Variants in ADGRV1 observed in about 807,000 individuals in gnomAD.
ADGRV1 encodes G-protein coupled receptor 98.
A neutral mutation model predicts 596.2 loss-of-function variants in ADGRV1; 359 were observed. That is an observed-to-expected ratio of 0.60 (90% CI 0.55 to 0.66). ADGRV1 has a LOEUF of 0.66. ADGRV1 is among the 30% of genes least tolerant of loss of function. The pLI is 0.00. For synonymous variants in ADGRV1, 2,681 were observed against 2,679.2 expected (o/e 1.00, Z -0.02); for missense variants, 7,274 against 7,575.6 (o/e 0.96, Z 1.48).
At chr5:90,975,936 ACT>A (rs1779535079) in intron 84 of ADGRV1, among the ~76,000 whole-genome samples, 2 of 151,778 alleles carry the variant, frequency 1.3e-5, no homozygotes, top group African/African-American at 4.8e-5. Flanking sequence ...CAGTATCTTT[ACT>A]CTGTTTTGCT....
At chr5:91,075,003 A>T (rs1384326671) in intron 86 of ADGRV1, among the ~76,000 whole-genome samples, 3 of 151,984 alleles carry the variant, frequency 2.0e-5, no homozygotes, top group Non-Finnish European at 4.4e-5. Context: ...GTATCTGTTC[A>T]TGTATTTTGC....
chr5:90,845,573 A>AT (rs1765800891), intron 78 of ADGRV1, among the ~76,000 whole-genome samples: 2 of 150,878 alleles, frequency 1.3e-5, no homozygotes, highest in South Asian at 4.2e-4. Context: ...TCTGTTGGTA[A>AT]TTTTTTTCCT....
intron 59 of ADGRV1, among the ~76,000 whole-genome samples, chr5:90,769,964 A>T (rs1757519576): frequency 6.6e-6 from 1 of 152,174 alleles, no homozygotes; most frequent in Admixed American, 6.5e-5. Context: ...TAAAGCTCTG[A>T]GGTAGGTGGC....
Position 91,163,794 on chromosome 5 carries a change from G to A in ADGRV1, c.18815G>A (p.Ser6272Asn). ...IFALKTGAGLSVSDNESGQGS... is the reference protein window; with the variant it reads ...IFALKTGAGLNVSDNESGQGS... ...ATTTCTGTGGCAGGTGCTGGTCTCA[G>A]TGTCAGTGATAATGAATCTGGTCAA... The change falls in exon 90 of 90, where the codon AGT becomes AAT. Residue 6272 changes from serine (S) to asparagine (N), a missense_variant. Ser to Asn is a conservative substitution (Grantham distance 46, BLOSUM62 1). Around this residue, in one of 5 missense-constraint regions of ADGRV1, gnomAD observed 1,874 missense variants for 1,970.2 expected, o/e 0.95. Coordinates refer to ENST00000405460, the MANE Select transcript of ADGRV1 (RefSeq NM_032119.4). 1 of 1,533,476 alleles carries A rather than the reference G, an allele frequency of 6.5e-7. No individual in the cohort carries two copies. The highest frequency in any genetic ancestry group is 2.3e-5 in the East Asian group (1 of 43,724). 95.0% of individuals were successfully genotyped at this position (1,533,476 alleles called of 1,614,324 possible). A position where few individuals can be genotyped will look rare whatever the true frequency, so the allele number is the denominator to read the frequency against.
At position 90,728,734 on chromosome 5, in the gene ADGRV1, C is replaced by CGTG. The variant is rs397517418; in HGVS notation, c.10229_10231dup (p.Val3410dup). The stretch of plus-strand genomic sequence containing the variant: ...AACTCCCTGTCCGAGGTGTGCTGAC[C>CGTG]GTGGCCTTGTTCAACAAGGGAGGCT... On this transcript the variant is annotated inframe_insertion, in exon 49 of 90. Transcript: ENST00000405460. 1 of 1,613,812 alleles carries CGTG rather than the reference C, an allele frequency of 6.2e-7. No individual in the cohort carries two copies.
chr5:90,561,998 A>G (rs1446043734), intron 1 of ADGRV1, among the ~76,000 whole-genome samples: 1 of 152,196 alleles, frequency 6.6e-6, no homozygotes, highest in African/African-American at 2.4e-5. Context: ...AAATTCAGAC[A>G]GTAAAGAAAT....
At position 90,917,370 on chromosome 5, in the gene ADGRV1, ATTTAAGTGACTT is replaced by A. The variant is rs1197212665; in HGVS notation, c.17857-48037_17857-48026del. Among the ~76,000 whole-genome samples the A allele has an allele frequency of 2.0e-5, 3 of 150,690 alleles. 1 individual carries two copies. Among genetic ancestry groups the A allele is most frequent in the African/African-American group, 2.5e-5 (1 of 40,002 alleles). On this transcript the variant is annotated intron_variant, in intron 83 of 89. Transcript: ENST00000405460. ...AACTAGATCCAAGTAGGTTATTCTA[ATTTAAGTGACTT>A]TTTAAGTCATTACCAATAAAAACTT...
At chr5:91,152,697 C>T (rs1796161405) in intron 88 of ADGRV1, among the ~76,000 whole-genome samples, 1 of 152,060 alleles carries the variant, frequency 6.6e-6, no homozygotes, top group Admixed American at 6.5e-5. Context: ...GACAGGATGT[C>T]TCTCTGTCAC....
In ADGRV1 at chr5:91,125,502, C is replaced by G. The variant is rs544667956; in HGVS notation, c.18432+23162C>G. Among the ~76,000 whole-genome samples the G allele has an allele frequency of 4.6e-5, 7 of 152,084 alleles. No individual in the cohort carries two copies. The South Asian group carries it at 1.0e-3, about 22-fold the overall frequency. On this transcript the variant is annotated intron_variant, in intron 87 of 89. Transcript: ENST00000405460. ...CCCTAAGGTCCATAGAGAATCCAGGCGACACTAGTCTTGGGCAAATCACAG... is the reference window on the plus strand; with the variant it reads ...CCCTAAGGTCCATAGAGAATCCAGGGGACACTAGTCTTGGGCAAATCACAG...
In ADGRV1 at chr5:90,823,585, A is replaced by C; in HGVS notation, c.16357A>C (p.Lys5453Gln). The change falls in exon 76 of 90, where the codon AAA becomes CAA. Residue 5453 changes from lysine (K) to glutamine (Q), a missense_variant. Around this residue, in one of 5 missense-constraint regions of ADGRV1, gnomAD observed 1,874 missense variants for 1,970.2 expected, o/e 0.95. Transcript: ENST00000405460. ...QTKCFISIEL[K>Q]PEKVPQVEVY... ...AAAATGCTTTATCAGCATTGAACTCAAACCAGAAAAGGTAAGAAATGAAGA... is the reference window on the plus strand; with the variant it reads ...AAAATGCTTTATCAGCATTGAACTCCAACCAGAAAAGGTAAGAAATGAAGA... 6.2e-7 allele frequency: 1 copy of C among 1,613,638 alleles called. No individual in the cohort carries two copies. The highest frequency in any genetic ancestry group is 1.3e-5 in the African/African-American group (1 of 75,058).
At chr5:90,783,072 T>C (rs1211426797) in intron 65 of ADGRV1, 52 bp from the exon 66 acceptor site, 6 of 1,455,146 alleles carry the variant, frequency 4.1e-6, no homozygotes, top group Non-Finnish European at 5.8e-6. Context: ...CTGAATCTTA[T>C]AAGTTAGTTG....
intron 70 of ADGRV1, among the ~76,000 whole-genome samples, chr5:90,798,070 A>T (rs1252982002): frequency 1.3e-5 from 2 of 152,220 alleles, no homozygotes; most frequent in Non-Finnish European, 2.9e-5. Flanking sequence ...GAAATAGCTA[A>T]GATCAGAGCA....
chr5:91,137,347 A>T (rs914302632), intron 87 of ADGRV1, among the ~76,000 whole-genome samples: 1 of 152,150 alleles, frequency 6.6e-6, no homozygotes, highest in Non-Finnish European at 1.5e-5. Context: ...TTCTGTTGGG[A>T]AAGTAATTCG....
chr5:90,776,433 C>G lies in ADGRV1; in HGVS notation c.12404-20C>G. ...TTATGTGCACCTGCTACAAAGTGGTCTATATCATCTTGAATTTAGGTAGTG... is the reference window on the plus strand; with the variant it reads ...TTATGTGCACCTGCTACAAAGTGGTGTATATCATCTTGAATTTAGGTAGTG... On this transcript the variant is annotated intron_variant, in intron 60 of 89. Transcript: ENST00000405460. The G allele has an allele frequency of 6.3e-7, 1 of 1,599,276 alleles. No homozygotes were observed. Among genetic ancestry groups the G allele is most frequent in the East Asian group, 2.2e-5 (1 of 44,484 alleles).
Position 90,642,619 on chromosome 5 carries a change from C to A in ADGRV1, c.2241-17C>A. Reference sequence around the variant, plus strand: ...ACTGGAAGTAGCGGGTGCCATTTGTCTCTCTGACTTCTCTAGGGTTAACGT... The same window carrying A: ...ACTGGAAGTAGCGGGTGCCATTTGTATCTCTGACTTCTCTAGGGTTAACGT... On this transcript the variant is annotated splice_polypyrimidine_tract_variant and intron_variant, in intron 11 of 89. Coordinates refer to ENST00000405460, the MANE Select transcript of ADGRV1 (RefSeq NM_032119.4). The A allele has an allele frequency of 6.2e-7, 1 of 1,606,546 alleles. No individual in the cohort carries two copies. Among genetic ancestry groups the A allele is most frequent in the Non-Finnish European group, 8.5e-7 (1 of 1,177,610 alleles).
At chr5:91,026,179 G>A (rs1046095351) in intron 85 of ADGRV1, among the ~76,000 whole-genome samples, 1 of 152,086 alleles carries the variant, frequency 6.6e-6, no homozygotes, top group Admixed American at 6.6e-5. Context: ...TTAGGCCATG[G>A]TTCTGTTAAG....
At chr5:90,711,864 C>T (rs1429601818) in intron 41 of ADGRV1, among the ~76,000 whole-genome samples, 1 of 152,180 alleles carries the variant, frequency 6.6e-6, no homozygotes, top group Non-Finnish European at 1.5e-5. Flanking sequence ...GCAACCTCCA[C>T]CTCCCAGGTT....
chr5:91,163,785 C>T lies in ADGRV1; in HGVS notation c.18806C>T (p.Ala6269Val). The T allele has an allele frequency of 6.9e-7, 1 of 1,451,876 alleles. No individual in the cohort carries two copies. The highest frequency in any genetic ancestry group is 1.2e-5 in the South Asian group (1 of 82,942). 89.9% of individuals were successfully genotyped at this position (1,451,876 alleles called of 1,614,324 possible). A position where few individuals can be genotyped will look rare whatever the true frequency, so the allele number is the denominator to read the frequency against. ...GTTCATTCTATTTCTGTGGCAGGTG[C>T]TGGTCTCAGTGTCAGTGATAATGAA... ...DDLIFALKTGAGLSVSDNESG... is the reference protein window; with the variant it reads ...DDLIFALKTGVGLSVSDNESG... The change falls in exon 90 of 90, where the codon GCT (alanine) becomes GTT (valine). Residue 6269 changes from alanine (A) to valine (V), a missense_variant. This residue lies in a region of ADGRV1 where 1,874 missense variants were observed against 1,970.2 expected (regional missense o/e 0.95). Transcript: ENST00000405460.
intron 75 of ADGRV1, among the ~76,000 whole-genome samples, chr5:90,817,913 A>T (rs910115884): frequency 4.6e-5 from 7 of 152,280 alleles, no homozygotes; most frequent in Middle Eastern, 3.4e-3. Context: ...TTTTGGTTCC[A>T]TACAAACTTT....
Sources: gnomAD v4.1 joint callset for allele counts (sites outside exome capture counted in the v4.1 genomes callset) on GRCh38, gnomAD v4.1.1 for gene constraint, gnomAD v4.1.1 regional missense constraint, MANE v1.5 for transcripts, NCBI Gene and HGNC (gene_info 2026-07-23, HGNC 2026-07-21) for gene names.